Variants in TTLL11 observed in about 807,000 individuals in gnomAD.
TTLL11 encodes the protein tubulin tyrosine ligase like 11.
In TTLL11, 42 loss-of-function variants were observed where a neutral mutation model predicts 51.7. The ratio of observed to expected loss-of-function variants is 0.81; its 90% CI spans 0.64 to 1.05. The LOEUF (loss-of-function observed/expected upper bound fraction) is 1.05, where lower values mean the gene tolerates loss of function less well. TTLL11 is among the 50% of genes least tolerant of loss of function. The pLI is 0.00. For missense variants in TTLL11, 799 were observed against 940.4 expected, an observed-to-expected ratio of 0.85 and a Z score of 1.97; for synonymous variants, 381 against 383.5, an observed-to-expected ratio of 0.99 and a Z score of 0.08.
intron 6 of TTLL11, among the ~76,000 whole-genome samples, chr9:121,886,958 C>T (rs544207992): frequency 1.7e-4 from 26 of 152,282 alleles, no homozygotes; most frequent in South Asian, 1.2e-3. Context: ...CCTTTGAGCT[C>T]AGCTGCGTGG....
In TTLL11 at chr9:121,822,484, C is replaced by G; in HGVS notation, c.*103G>C. On this transcript the variant is annotated 3_prime_UTR_variant, in exon 9 of 9. Transcript: ENST00000321582. The surrounding 1 kb of genome is among the most constrained non-coding windows in gnomAD (Gnocchi z 5.8). Reference sequence around the variant, plus strand: ...AGTTCGTGGGGACCTCAGCTGGGCCCCTCGGCAGCCTGCCTGCCATTCCTC... The same window carrying G: ...AGTTCGTGGGGACCTCAGCTGGGCCGCTCGGCAGCCTGCCTGCCATTCCTC... The G allele has an allele frequency of 3.4e-6, 4 of 1,183,158 alleles. No individual in the cohort carries two copies. The highest frequency in any genetic ancestry group is 4.6e-6 in the Non-Finnish European group (4 of 877,300). 73.3% of individuals were successfully genotyped at this position (1,183,158 alleles called of 1,614,324 possible).
At chr9:122,035,921 A>G (rs17263101) in intron 2 of TTLL11, among the ~76,000 whole-genome samples, 7,155 of 152,146 alleles carry the variant, frequency 0.047, 333 homozygotes, top group Admixed American at 0.12. Context: ...TAACCATGGT[A>G]GGCCACTTGC....
rs1564333472 is a variant in TTLL11, at chr9:121,970,745, TTGG to T, written c.1481+3261_1481+3263del. Among the ~76,000 whole-genome samples the T allele has an allele frequency of 5.9e-5, 9 of 152,302 alleles. 1 individual carries two copies. Among genetic ancestry groups the T allele is most frequent in the African/African-American group, 2.2e-4 (9 of 41,556 alleles). The stretch of plus-strand genomic sequence containing the variant: ...GAGAAATAGGAACACTTTTACACTG[TTGG>T]TGGGAGTGTAAATTAGTTCAACTAT... On this transcript the variant is annotated intron_variant, in intron 6 of 8. Transcript: ENST00000321582.
chr9:122,007,483 A>G (rs1344027866), intron 3 of TTLL11, among the ~76,000 whole-genome samples: 2 of 86,402 alleles, frequency 2.3e-5, no homozygotes, highest in Non-Finnish European at 5.8e-5. Flanking sequence ...CTCAAAAAAA[A>G]AAAAAAAGAA....
chr9:122,053,303 G>A (rs976188223), intron 1 of TTLL11, among the ~76,000 whole-genome samples: 1 of 152,132 alleles, frequency 6.6e-6, no homozygotes, highest in Non-Finnish European at 1.5e-5. Flanking sequence ...ACCAAGGAGG[G>A]GCCACTGGAG....
intron 3 of TTLL11, among the ~76,000 whole-genome samples, chr9:122,016,788 A>G (rs1843997050): frequency 6.6e-6 from 1 of 152,200 alleles, no homozygotes; most frequent in East Asian, 1.9e-4. Flanking sequence ...TCTTCTGCTG[A>G]GAAATACAAA....
Position 121,819,745 on chromosome 9 carries a change from G to A in TTLL11, c.*2842C>T, listed in dbSNP as rs746445271. On this transcript the variant is annotated 3_prime_UTR_variant, in exon 9 of 9. Coordinates refer to ENST00000321582, the MANE Select transcript of TTLL11 (RefSeq NM_001139442.2). ...GTGCCTCTGGGCCAGCCAGACTCCC[G>A]GCTCTACTTCCTATCTTCTCGGAGG... 3.3e-5 allele frequency among the ~76,000 whole-genome samples: 5 copies of A among 152,152 alleles called. No homozygotes were observed. The highest frequency in any genetic ancestry group is 2.1e-4 in the South Asian group (1 of 4,816).
chr9:122,060,865 G>C (rs374265278), intron 1 of TTLL11, among the ~76,000 whole-genome samples: 1 of 152,180 alleles, frequency 6.6e-6, no homozygotes, highest in East Asian at 1.9e-4. Context: ...CCCTCTTCCA[G>C]GTATTCCTGG....
chr9:121,949,508 TA>T (rs1841785499), intron 6 of TTLL11, among the ~76,000 whole-genome samples: 2 of 152,134 alleles, frequency 1.3e-5, no homozygotes, highest in South Asian at 4.1e-4. Flanking sequence ...TCTCATAGTT[TA>T]AAAAGCACTT....
intron 4 of TTLL11, among the ~76,000 whole-genome samples, chr9:121,987,777 C>G (rs186132591): frequency 3.1e-4 from 47 of 152,116 alleles, no homozygotes; most frequent in Non-Finnish European, 6.0e-4. Context: ...CTCCCTCCCC[C>G]TCCCCTGCCT....
chr9:121,824,807 T>G (rs370724632), intron 8 of TTLL11, among the ~76,000 whole-genome samples: 3 of 152,214 alleles, frequency 2.0e-5, no homozygotes, highest in African/African-American at 7.2e-5. Context: ...TCCTGGTGAC[T>G]GTGCATTATT....
intron 1 of TTLL11, among the ~76,000 whole-genome samples, chr9:122,063,226 A>G (rs1462363681): frequency 6.6e-6 from 1 of 152,238 alleles, no homozygotes; most frequent in East Asian, 1.9e-4. Context: ...GCATAAATAC[A>G]TATTAAAATA....
At chr9:121,869,749 C>T (rs1838288743) in intron 7 of TTLL11, among the ~76,000 whole-genome samples, 1 of 152,168 alleles carries the variant, frequency 6.6e-6, no homozygotes, top group African/African-American at 2.4e-5. Context: ...AGGGCACAGG[C>T]AGCTTTATCC....
intron 6 of TTLL11, among the ~76,000 whole-genome samples, chr9:121,921,322 A>G (rs1415354735): frequency 6.6e-6 from 1 of 152,216 alleles, no homozygotes; most frequent in Non-Finnish European, 1.5e-5. Context: ...GTAGGCAGAG[A>G]TACAAGTAAT....
At chr9:121,895,365 TTG>T (rs1316835510) in intron 6 of TTLL11, among the ~76,000 whole-genome samples, 5 of 148,418 alleles carry the variant, frequency 3.4e-5, no homozygotes, top group East Asian at 4.1e-4. Flanking sequence ...TGTGTGTGTA[TTG>T]TGTGATGTGC....
intron 8 of TTLL11, among the ~76,000 whole-genome samples, chr9:121,837,781 C>G (rs1183450532): frequency 1.3e-5 from 2 of 152,164 alleles, no homozygotes; most frequent in Admixed American, 1.3e-4. Flanking sequence ...CACTCCCTGT[C>G]TCTCCTCCCA....
At chr9:121,875,386 GTC>G (rs1002299062) in intron 6 of TTLL11, among the ~76,000 whole-genome samples, 4 of 152,168 alleles carry the variant, frequency 2.6e-5, no homozygotes, top group African/African-American at 9.7e-5. Flanking sequence ...TGCAGAATGA[GTC>G]TGTTTTTTCT....
rs1233927391 is a variant in TTLL11, at chr9:121,822,218, C to T, written c.*369G>A. 1 of 158,574 alleles carries T rather than the reference C, an allele frequency of 6.3e-6. No individual in the cohort carries two copies. The highest frequency in any genetic ancestry group is 2.4e-5 in the African/African-American group (1 of 41,714). 9.8% of individuals were successfully genotyped at this position (158,574 alleles called of 1,614,324 possible). A position where few individuals can be genotyped will look rare whatever the true frequency, so the allele number is the denominator to read the frequency against. ...CCCGGCAGCAGATCCTAACACTCGG[C>T]TTCCTCTCCACAGCTCCGGGCCTTG... On this transcript the variant is annotated 3_prime_UTR_variant, in exon 9 of 9. Transcript: ENST00000321582. The surrounding 1 kb of genome is among the most constrained non-coding windows in gnomAD (Gnocchi z 5.8).
chr9:121,932,391 C>T (rs1564312091), intron 6 of TTLL11, among the ~76,000 whole-genome samples: 1 of 152,310 alleles, frequency 6.6e-6, no homozygotes, highest in East Asian at 1.9e-4. Context: ...TTCCTTGGTA[C>T]CAGGCACCAC....
Sources: gnomAD v4.1 joint callset for allele counts (sites outside exome capture counted in the v4.1 genomes callset) on GRCh38, gnomAD v4.1.1 for gene constraint, Gnocchi (gnomAD v3.1) non-coding constraint, MANE v1.5 for transcripts, NCBI Gene and HGNC (gene_info 2026-07-23, HGNC 2026-07-21) for gene names.